Variants in IL1RAPL1 observed in about 807,000 individuals in gnomAD.
The protein encoded by IL1RAPL1 is interleukin 1 receptor accessory protein like 1, also known as interleukin-1 receptor accessory protein-like 1.
In IL1RAPL1, 3 loss-of-function variants were observed where a neutral mutation model predicts 48.4. That is an observed-to-expected ratio of 0.06 (90% confidence interval 0.03 to 0.16). The LOEUF is 0.16. Ranked by LOEUF, IL1RAPL1 falls within the 10% of genes least tolerant of loss-of-function variation. IL1RAPL1 has a pLI of 1.00. For synonymous variants in IL1RAPL1, 185 were observed against 187.7 expected (o/e 0.99, Z 0.12); for missense variants, 349 against 530.6 (o/e 0.66, Z 3.36).
chrX:29,189,341 T>G (rs926123331), intron 2 of IL1RAPL1, among the ~76,000 whole-genome samples: 2 of 111,946 alleles, frequency 1.8e-5, no homozygotes, highest in Admixed American at 1.9e-4. Context: ...GGTGATAATA[T>G]TTATGTTGCA....
At chrX:29,463,379 C>T (rs1226271895) in intron 5 of IL1RAPL1, among the ~76,000 whole-genome samples, 4 of 111,542 alleles carry the variant, frequency 3.6e-5, no homozygotes, top group African/African-American at 1.3e-4. Flanking sequence ...AACTTCTCAC[C>T]ATGTGGTTTA....
chrX:29,347,664 A>G (rs1053597663), intron 3 of IL1RAPL1, among the ~76,000 whole-genome samples: 1 of 111,308 alleles, frequency 9.0e-6, no homozygotes, highest in Non-Finnish European at 1.9e-5. Flanking sequence ...TGTTGGGATT[A>G]CAGATGTGAG....
intron 5 of IL1RAPL1, among the ~76,000 whole-genome samples, chrX:29,613,666 C>A (rs4829117): frequency 6.8e-5 from 7 of 103,134 alleles, no homozygotes; most frequent in Non-Finnish European, 1.2e-4. Flanking sequence ...CTTGGGTCAG[C>A]GAAACTTGGG....
intron 1 of IL1RAPL1, among the ~76,000 whole-genome samples, chrX:28,652,675 TG>T (rs1412551873): frequency 9.0e-6 from 1 of 111,663 alleles, no homozygotes. Context: ...TGCTATATTC[TG>T]GGGGGCAAGT....
intron 5 of IL1RAPL1, among the ~76,000 whole-genome samples, chrX:29,463,194 CAAAA>C (rs66924300): frequency 2.8e-3 from 279 of 99,207 alleles, no homozygotes; most frequent in Non-Finnish European, 4.0e-3. Flanking sequence ...GATGCTTTAT[CAAAA>C]AAAAAAAAAC....
chrX:29,215,296 T>C (rs1930845725), intron 2 of IL1RAPL1, among the ~76,000 whole-genome samples: 1 of 107,510 alleles, frequency 9.3e-6, no homozygotes, highest in African/African-American at 3.4e-5. Flanking sequence ...TGAGCCGAGA[T>C]GGCACCGTTG....
chrX:29,045,944 C>CTCCTCCTCCTCCTTCT (rs1926954432), intron 2 of IL1RAPL1, among the ~76,000 whole-genome samples: 3 of 18,243 alleles, frequency 1.6e-4, no homozygotes, highest in South Asian at 4.2e-3. Flanking sequence ...CTCCTTCTTC[C>CTCCTCCTCCTCCTTCT]TCCTCCTCCT....
chrX:29,418,282 C>T (rs1221158344), intron 5 of IL1RAPL1, among the ~76,000 whole-genome samples: 9 of 105,845 alleles, frequency 8.5e-5, no homozygotes, highest in Non-Finnish European at 1.5e-4. Flanking sequence ...CACGCCACCA[C>T]GCCCCACTAA....
At chrX:29,610,696 G>A (rs2147067973) in intron 5 of IL1RAPL1, among the ~76,000 whole-genome samples, 1 of 112,558 alleles carries the variant, frequency 8.9e-6, no homozygotes, top group Non-Finnish European at 1.9e-5. Flanking sequence ...TGTGACAGGG[G>A]TGTGACTCGT....
chrX:28,998,890 T>C (rs1027613396), intron 2 of IL1RAPL1, among the ~76,000 whole-genome samples: 6 of 112,062 alleles, frequency 5.4e-5, no homozygotes, highest in Middle Eastern at 4.6e-3. Flanking sequence ...TGAACTTATC[T>C]GTCAAAAAGT....
chrX:29,483,488 T>A (rs1319368273), intron 5 of IL1RAPL1, among the ~76,000 whole-genome samples: 1 of 111,618 alleles, frequency 9.0e-6, no homozygotes, highest in Non-Finnish European at 1.9e-5. Flanking sequence ...AGGCGGTTTG[T>A]TTCTTTGCAT....
chrX:29,397,188 A>G (rs374568261), intron 4 of IL1RAPL1, among the ~76,000 whole-genome samples: 12 of 112,144 alleles, frequency 1.1e-4, no homozygotes, highest in Admixed American at 4.8e-4. Context: ...AGAATATTTT[A>G]TACATAGTTT....
At chrX:29,686,630 T>C (rs1926629930) in intron 6 of IL1RAPL1, among the ~76,000 whole-genome samples, 1 of 108,442 alleles carries the variant, frequency 9.2e-6, no homozygotes, top group African/African-American at 3.4e-5. Context: ...CGATCTCAGC[T>C]CACTGCAAGC....
intron 6 of IL1RAPL1, among the ~76,000 whole-genome samples, chrX:29,738,616 T>A (rs997677453): frequency 4.5e-5 from 5 of 110,039 alleles, no homozygotes; most frequent in African/African-American, 1.7e-4. Context: ...TTTTTTGTAT[T>A]TTTTGTAGAA....
chrX:29,424,817 G>A (rs1334761505), intron 5 of IL1RAPL1, among the ~76,000 whole-genome samples: 1 of 111,857 alleles, frequency 8.9e-6, no homozygotes, highest in Admixed American at 9.5e-5. Flanking sequence ...TCATGGGAAG[G>A]TTTCGTTTAG....
rs896133150 is a variant in IL1RAPL1, at chrX:29,953,360, G to A, written c.1202-1162G>A. On this transcript the variant is annotated intron_variant, in intron 9 of 10. Coordinates refer to ENST00000378993, the MANE Select transcript of IL1RAPL1 (RefSeq NM_014271.4). ...GAAATTGACCAAAGAAAGACTATCCGGAAGATAAATGATTTCTTATTCTTA... is the reference window on the plus strand; with the variant it reads ...GAAATTGACCAAAGAAAGACTATCCAGAAGATAAATGATTTCTTATTCTTA... Among the ~76,000 whole-genome samples the A allele has an allele frequency of 1.9e-4, 21 of 111,442 alleles. 1 individual carries two copies. Among genetic ancestry groups the A allele is most frequent in the African/African-American group, 6.2e-4 (19 of 30,702 alleles).
chrX:29,828,282 A>C (rs1930787642), intron 6 of IL1RAPL1, among the ~76,000 whole-genome samples: 1 of 111,783 alleles, frequency 8.9e-6, no homozygotes, highest in Non-Finnish European at 1.9e-5. Context: ...GACACTGGAG[A>C]GTTCTGAGAA....
At chrX:29,239,135 TA>T (rs984479362) in intron 2 of IL1RAPL1, among the ~76,000 whole-genome samples, 17 of 111,393 alleles carry the variant, frequency 1.5e-4, no homozygotes, top group Admixed American at 1.3e-3. Flanking sequence ...CCTTCCAATC[TA>T]AAAAAAATGA....
intron 5 of IL1RAPL1, among the ~76,000 whole-genome samples, chrX:29,625,595 G>A (rs965172491): frequency 9.0e-6 from 1 of 111,596 alleles, no homozygotes; most frequent in African/African-American, 3.3e-5. Context: ...TCATTTGCCG[G>A]TAGGACTGGT....
Sources: gnomAD v4.1 joint callset for allele counts (sites outside exome capture counted in the v4.1 genomes callset) on GRCh38, gnomAD v4.1.1 for gene constraint, MANE v1.5 for transcripts, NCBI Gene and HGNC (gene_info 2026-07-23, HGNC 2026-07-21) for gene names.